Variants in AVEN observed in about 807,000 individuals in gnomAD.
The protein encoded by AVEN is apoptosis and caspase activation inhibitor.
AVEN carries 41 observed loss-of-function variants against 38.1 expected under a neutral mutation model. That is an observed-to-expected ratio of 1.08 (90% CI 0.84 to 1.40). AVEN has a LOEUF of 1.40. Ranked by LOEUF, AVEN falls within the 40% of genes most tolerant of loss-of-function variation. The pLI, the probability that AVEN is intolerant of heterozygous loss-of-function variation, is 0.00. For missense variants in AVEN, 605 were observed against 438.8 expected, an observed-to-expected ratio of 1.38 and a Z score of -3.38; for synonymous variants, 206 against 171.8, an observed-to-expected ratio of 1.20 and a Z score of -1.56.
At chr15:33,987,295 G>C (rs1245873898) in intron 2 of AVEN, among the ~76,000 whole-genome samples, 1 of 152,154 alleles carries the variant, frequency 6.6e-6, no homozygotes, top group Non-Finnish European at 1.5e-5. Context: ...ACATTTGAAG[G>C]TTTTTTCATT....
chr15:33,886,532 T>C (rs1237433815), intron 2 of AVEN, among the ~76,000 whole-genome samples: 1 of 152,150 alleles, frequency 6.6e-6, no homozygotes, highest in Non-Finnish European at 1.5e-5. Context: ...CTCGATCTCC[T>C]AACCTCGTGA....
intron 2 of AVEN, among the ~76,000 whole-genome samples, chr15:33,998,197 C>T (rs932543985): frequency 1.4e-4 from 22 of 152,192 alleles, no homozygotes; most frequent in Non-Finnish European, 5.9e-5. Context: ...TCCACCTGCA[C>T]AATAGATCCT....
chr15:34,060,885 A>G (rs557676353), intron 5 of AVEN, among the ~76,000 whole-genome samples: 10 of 151,646 alleles, frequency 6.6e-5, no homozygotes, highest in African/African-American at 2.2e-4. Context: ...GCGTGGTGGC[A>G]GGCGCCTGTA....
intron 2 of AVEN, among the ~76,000 whole-genome samples, chr15:33,903,678 A>G (rs117518346): frequency 0.033 from 4,955 of 152,306 alleles, 160 homozygotes; most frequent in Non-Finnish European, 0.039. Flanking sequence ...ATAGATCTTA[A>G]CTGAATCTGA....
chr15:33,852,044 C>G, the AVEN span: 2 of 34,364 alleles, frequency 5.8e-5, no homozygotes, highest in Non-Finnish European at 1.4e-4. Context: ...TACTGCCACC[C>G]TGTTGGGGGA....
rs151250906 is a variant in AVEN, at chr15:33,914,912, T to C, written c.446-38917A>G. The stretch of plus-strand genomic sequence containing the variant: ...GCAATGCTCACACCTAGAACCTGTA[T>C]CTTGGTCTTTAAAACCATTTGCACT... On this transcript the variant is annotated intron_variant, in intron 2 of 5. Coordinates refer to ENST00000306730, the MANE Select transcript of AVEN (RefSeq NM_020371.3). Among the ~76,000 whole-genome samples, 797 of 152,204 alleles carry C rather than the reference T, an allele frequency of 5.2e-3. 6 individuals are homozygous for C. Among genetic ancestry groups the C allele is most frequent in the African/African-American group, 0.018 (743 of 41,492 alleles).
chr15:34,052,078 C>T (rs1400193760), intron 5 of AVEN, among the ~76,000 whole-genome samples: 1 of 152,124 alleles, frequency 6.6e-6, no homozygotes, highest in East Asian at 1.9e-4. Flanking sequence ...CTTTGATGAA[C>T]ACTGATGCAA....
intron 2 of AVEN, among the ~76,000 whole-genome samples, chr15:33,886,662 T>A (rs1371016984): frequency 6.6e-6 from 1 of 152,204 alleles, no homozygotes; most frequent in African/African-American, 2.4e-5. Context: ...CTACTTCCCC[T>A]TCCACCATGA....
At chr15:34,038,690 G>A (rs1258330191) in intron 1 of AVEN, 90 bp downstream of exon 1, 3 of 1,073,474 alleles carry the variant, frequency 2.8e-6, no homozygotes, top group Non-Finnish European at 3.4e-6. Flanking sequence ...CGCGCGCCTG[G>A]CACGCTCTCT....
At chr15:33,853,564 A>G in the AVEN span, 4 of 1,613,688 alleles carry the variant, frequency 2.5e-6, no homozygotes, top group Non-Finnish European at 3.4e-6. Flanking sequence ...GGTGATCAAC[A>G]AGTATGGAGA....
chr15:33,990,132 A>G (rs1034143872), intron 2 of AVEN, among the ~76,000 whole-genome samples: 2 of 152,022 alleles, frequency 1.3e-5, no homozygotes, highest in Non-Finnish European at 2.9e-5. Context: ...TGAACCTGGG[A>G]GGCAGAGGTT....
At chr15:33,868,078 C>G (rs891560498) in intron 4 of AVEN, among the ~76,000 whole-genome samples, 2 of 152,270 alleles carry the variant, frequency 1.3e-5, no homozygotes, top group Admixed American at 6.5e-5. Context: ...ACTGTGCCTC[C>G]CACTCTCCCT....
intron 2 of AVEN, among the ~76,000 whole-genome samples, chr15:33,922,330 G>C (rs1893427220): frequency 6.6e-6 from 1 of 152,148 alleles, no homozygotes; most frequent in African/African-American, 2.4e-5. Context: ...CTGGAGAGTA[G>C]GGATGGATGG....
At chr15:34,062,657 G>A (rs1900381548) in intron 5 of AVEN, 6 of 1,499,196 alleles carry the variant, frequency 4.0e-6, no homozygotes, top group Admixed American at 4.0e-5. Context: ...TGGCCAAGAA[G>A]AGCTGAAATA....
chr15:34,056,275 GC>G (rs1452930652), intron 5 of AVEN, among the ~76,000 whole-genome samples: 2 of 152,164 alleles, frequency 1.3e-5, no homozygotes, highest in Non-Finnish European at 2.9e-5. Flanking sequence ...AGAAACTGGG[GC>G]CCAGAGAGAA....
chr15:33,951,768 A>G (rs967435815), intron 2 of AVEN, among the ~76,000 whole-genome samples: 3 of 152,168 alleles, frequency 2.0e-5, no homozygotes, highest in Admixed American at 2.0e-4. Context: ...ACACAATACC[A>G]TATATATAAT....
intron 2 of AVEN, among the ~76,000 whole-genome samples, chr15:33,908,679 T>A (rs1455235951): frequency 6.6e-6 from 1 of 152,222 alleles, no homozygotes; most frequent in Non-Finnish European, 1.5e-5. Context: ...CCGAATTTCC[T>A]TTCTGAAGTC....
Position 33,866,458 on chromosome 15 carries a change from G to A in AVEN, c.*155C>T. On this transcript the variant is annotated 3_prime_UTR_variant, in exon 6 of 6. Transcript: ENST00000306730. ...GCTGCTTCAATGTATTCTTTCAGAT[G>A]TCAAACACAGAGGTAGGCATTTACT... is the stretch of plus-strand genomic sequence containing the variant. 5.0e-6 allele frequency: 3 copies of A among 605,608 alleles called. No homozygotes were observed. The South Asian group carries it at 6.2e-5, about 13-fold the overall frequency. The allele number at this position is 605,608 out of a possible 1,614,324, so 37.5% of individuals were successfully genotyped here.
exon 5 of AVEN, chr15:34,062,979 A>T: frequency 6.2e-7 from 1 of 1,613,816 alleles, no homozygotes; most frequent in Non-Finnish European, 8.5e-7. Context: ...GAACCTCTAC[A>T]CCACCTACAT....
Sources: gnomAD v4.1 joint callset for allele counts (sites outside exome capture counted in the v4.1 genomes callset) on GRCh38, gnomAD v4.1.1 for gene constraint, MANE v1.5 for transcripts, NCBI Gene and HGNC (gene_info 2026-07-23, HGNC 2026-07-21) for gene names.